COBL: variants seen among roughly 807,000 people sequenced by gnomAD.
COBL encodes cordon-bleu WH2 repeat protein, also known as protein cordon-bleu.
Under a neutral mutation model 98.8 loss-of-function variants are expected in COBL, and 51 were observed. The ratio of observed to expected loss-of-function variants is 0.52; its 90% CI spans 0.41 to 0.65. The LOEUF is 0.65. Ranked by LOEUF, COBL falls within the 30% of genes least tolerant of loss-of-function variation. COBL has a pLI of 0.00. For synonymous variants in COBL, 634 were observed against 651.7 expected (o/e 0.97, Z 0.41); for missense variants, 1,617 against 1,617.5 (o/e 1.00, Z 0.01).
At position 51,224,047 on chromosome 7, in the gene COBL, G is replaced by A. The variant is rs117315165; in HGVS notation, c.42-4103C>T. ...TTGAGACATACAAATGCTTACTATT[G>A]TGTTACACTTGCCTACAGTGTTCAG... On this transcript the variant is annotated intron_variant, in intron 1 of 12. Coordinates refer to ENST00000265136, the MANE Select transcript of COBL (RefSeq NM_015198.5). 1.2e-3 allele frequency among the ~76,000 whole-genome samples: 178 copies of A among 152,222 alleles called. 1 individual carries two copies. The highest frequency in any genetic ancestry group is 2.2e-3 in the Non-Finnish European group (153 of 68,036).
At chr7:51,292,160 A>C (rs1248310479) in intron 1 of COBL, among the ~76,000 whole-genome samples, 2 of 152,186 alleles carry the variant, frequency 1.3e-5, no homozygotes, top group African/African-American at 4.8e-5. Flanking sequence ...AAAAAAAAAA[A>C]AAAGTGGGAG....
intron 7 of COBL, among the ~76,000 whole-genome samples, chr7:51,045,819 G>C (rs1004236080): frequency 1.3e-5 from 2 of 152,214 alleles, no homozygotes; most frequent in East Asian, 3.8e-4. Context: ...AAAAAGTTGA[G>C]AGCCTGTGGT....
rs139966654 is a variant in COBL, at chr7:51,300,674, A to C, written c.41+15919T>G. Among the ~76,000 whole-genome samples the C allele has an allele frequency of 7.3e-3, 1,113 of 152,222 alleles. 14 individuals carry two copies. The highest frequency in any genetic ancestry group is 0.025 in the African/African-American group (1,042 of 41,544). ...TCATTGTACTCGTGGGTAAAATGGG[A>C]GAATGCCTTCTCCAGGGAGCTCTGG... On this transcript the variant is annotated intron_variant, in intron 1 of 12. Transcript: ENST00000265136.
intron 5 of COBL, among the ~76,000 whole-genome samples, chr7:51,155,441 T>A (rs1202253909): frequency 6.6e-6 from 1 of 151,352 alleles, no homozygotes; most frequent in Admixed American, 6.6e-5. Context: ...TACAAAAAAA[T>A]TAGCTGGGCA....
chr7:51,193,678 T>A, intron 2 of COBL, 89 bp from the exon 3 acceptor site: 1 of 1,161,754 alleles, frequency 8.6e-7, no homozygotes, highest in Non-Finnish European at 1.3e-6. Context: ...AATGAACAAG[T>A]GGATGAATGA....
intron 1 of COBL, among the ~76,000 whole-genome samples, chr7:51,288,598 C>T (rs1422870110): frequency 2.6e-5 from 4 of 151,654 alleles, no homozygotes; most frequent in Non-Finnish European, 4.4e-5. Flanking sequence ...ACTAAAAATA[C>T]AGTAATTAGC....
intron 1 of COBL, among the ~76,000 whole-genome samples, chr7:51,301,650 A>G (rs747568127): frequency 4.6e-5 from 7 of 152,218 alleles, no homozygotes; most frequent in Non-Finnish European, 7.3e-5. Flanking sequence ...GCCTCTGACC[A>G]ATCCCCCAGC....
chr7:51,235,342 T>C (rs934521548), intron 1 of COBL, among the ~76,000 whole-genome samples: 7 of 152,192 alleles, frequency 4.6e-5, no homozygotes, highest in Non-Finnish European at 1.0e-4. Flanking sequence ...AGGTCTGCTG[T>C]GCTGTGACAG....
In COBL at chr7:51,017,409, C is replaced by T; in HGVS notation, c.*142G>A. On this transcript the variant is annotated 3_prime_UTR_variant, in exon 13 of 13. Transcript: ENST00000265136. ...CCTTTCAAGCCGTTATACAGGAACA[C>T]ACCGAAAATCAACTGTGCGCATTTG... 1.3e-6 allele frequency: 1 copy of T among 760,084 alleles called. No individual in the cohort carries two copies. Among genetic ancestry groups the T allele is most frequent in the Non-Finnish European group, 2.2e-6 (1 of 444,708 alleles). The allele number at this position is 760,084 out of a possible 1,614,324, so 47.1% of individuals were successfully genotyped here.
In COBL at chr7:51,023,319, C is replaced by G. The variant is rs377545780; in HGVS notation, c.3768+1790G>C. Among the ~76,000 whole-genome samples, 271 of 152,348 alleles carry G rather than the reference C, an allele frequency of 1.8e-3. 5 individuals carry two copies. The South Asian group carries it at 0.052, about 29-fold the overall frequency. On this transcript the variant is annotated intron_variant, in intron 12 of 12. Coordinates refer to ENST00000265136, the MANE Select transcript of COBL (RefSeq NM_015198.5). ...AGCCTTAAGTAATTTCTAATTGCCC[C>G]TATCCTGAGGAGATGGCATAAAACT...
chr7:51,159,320 C>T (rs1049022621), intron 5 of COBL, among the ~76,000 whole-genome samples: 5 of 152,098 alleles, frequency 3.3e-5, no homozygotes, highest in Non-Finnish European at 5.9e-5. Flanking sequence ...ATCTTGAAGG[C>T]GACAGACGCT....
chr7:51,168,316 G>C (rs1411775788), intron 5 of COBL, among the ~76,000 whole-genome samples: 1 of 152,008 alleles, frequency 6.6e-6, no homozygotes, highest in East Asian at 1.9e-4. Flanking sequence ...CATGCCTGTA[G>C]TCCCAGCTAC....
intron 7 of COBL, among the ~76,000 whole-genome samples, chr7:51,080,861 G>A (rs930800346): frequency 2.0e-4 from 30 of 152,160 alleles, no homozygotes; most frequent in African/African-American, 6.8e-4. Flanking sequence ...CACTGGGGAT[G>A]GGTGGAAGGA....
At chr7:51,114,194 A>C (rs11238430) in intron 6 of COBL, among the ~76,000 whole-genome samples, 64,259 of 151,836 alleles carry the variant, frequency 0.42, 13,847 homozygotes, top group East Asian at 0.56. Flanking sequence ...CCCCTCCAAC[A>C]CAGTCAGGAG....
At chr7:51,154,926 C>T (rs1005875340) in intron 5 of COBL, among the ~76,000 whole-genome samples, 2 of 152,180 alleles carry the variant, frequency 1.3e-5, no homozygotes, top group Non-Finnish European at 2.9e-5. Flanking sequence ...ATTGGCTATA[C>T]TTCTGACCAA....
intron 5 of COBL, among the ~76,000 whole-genome samples, chr7:51,164,682 CG>C (rs1269440692): frequency 6.6e-6 from 1 of 151,940 alleles, no homozygotes; most frequent in Non-Finnish European, 1.5e-5. Flanking sequence ...ACAAAACTCA[CG>C]GGTAATAGTA....
chr7:51,043,389 T>C lies in COBL; in HGVS notation c.1400A>G (p.His467Arg), dbSNP rs1789393769. Residue 467 changes from histidine to arginine, a missense_variant, in exon 8 of 13, where the codon CAT becomes CGT. His to Arg is a conservative substitution (Grantham distance 29). Transcript: ENST00000265136. Reference sequence around the variant, plus strand: ...CATCCTTCCCGTGACTCACCTCAGATGTGAGTTCTCAGAGCCATTCTTCTC... The same window carrying C: ...CATCCTTCCCGTGACTCACCTCAGACGTGAGTTCTCAGAGCCATTCTTCTC... ...LWEKNGSENS[H>R]LRTEKAVTAS... 6.2e-7 allele frequency: 1 copy of C among 1,613,676 alleles called. No homozygotes were observed. The highest frequency in any genetic ancestry group is 1.3e-5 in the African/African-American group (1 of 74,902).
At chr7:51,279,706 T>C (rs1799639081) in intron 1 of COBL, among the ~76,000 whole-genome samples, 2 of 152,228 alleles carry the variant, frequency 1.3e-5, no homozygotes, top group South Asian at 4.1e-4. Flanking sequence ...AGGACAAATG[T>C]ACAATGACAC....
chr7:51,216,237 C>A (rs962821954), intron 2 of COBL, among the ~76,000 whole-genome samples: 1 of 152,162 alleles, frequency 6.6e-6, no homozygotes, highest in African/African-American at 2.4e-5. Flanking sequence ...CCGGAGTGCA[C>A]AGGCACAATC....
Sources: allele counts gnomAD v4.1 joint callset (sites outside exome capture counted in the v4.1 genomes callset), GRCh38; gene constraint gnomAD v4.1.1; transcripts MANE v1.5; gene names NCBI Gene and HGNC (gene_info 2026-07-23, HGNC 2026-07-21).